BBX: variants seen among roughly 807,000 people sequenced by gnomAD.
The protein encoded by BBX is BBX high mobility group box domain containing.
Under a neutral mutation model 100.2 loss-of-function variants are expected in BBX, and 30 were observed. The ratio of observed to expected loss-of-function variants is 0.30; its 90% CI spans 0.22 to 0.41. The LOEUF is 0.41. Among genes scored for constraint, BBX ranks in the 10% least tolerant of loss-of-function variants. The pLI is 1.00. For synonymous variants in BBX, 376 were observed against 388.1 expected, an observed-to-expected ratio of 0.97 and a Z score of 0.37; for missense variants, 1,023 against 1,129.8, an observed-to-expected ratio of 0.91 and a Z score of 1.35.
chr3:107,752,698 T>C (rs919367708), intron 9 of BBX, among the ~76,000 whole-genome samples: 1 of 152,182 alleles, frequency 6.6e-6, no homozygotes, highest in Non-Finnish European at 1.5e-5. Flanking sequence ...ATACTGTTTA[T>C]CCAAACATTA....
chr3:107,761,165 A>T (rs1419830175), intron 10 of BBX, among the ~76,000 whole-genome samples: 1 of 152,096 alleles, frequency 6.6e-6, no homozygotes, highest in African/African-American at 2.4e-5. Flanking sequence ...CAGCTGGGGG[A>T]GATAAAGCAA....
chr3:107,581,833 G>T (rs1015143353), intron 2 of BBX, among the ~76,000 whole-genome samples: 3 of 152,020 alleles, frequency 2.0e-5, no homozygotes, highest in Admixed American at 6.6e-5. Context: ...ATAGTTGGCT[G>T]ATATTTTTAG....
At chr3:107,747,742 G>A (rs2064744637) in intron 8 of BBX, among the ~76,000 whole-genome samples, 1 of 151,764 alleles carries the variant, frequency 6.6e-6, no homozygotes, top group Non-Finnish European at 1.5e-5. Flanking sequence ...CCAAAGACAT[G>A]GCAAATGAGC....
intron 2 of BBX, among the ~76,000 whole-genome samples, chr3:107,590,892 T>C (rs554969471): frequency 6.7e-6 from 1 of 149,798 alleles, no homozygotes; most frequent in East Asian, 1.9e-4. Flanking sequence ...GAGTATGGAG[T>C]TGGGGTTCCA....
At chr3:107,734,311 T>TA (rs2063506173) in intron 7 of BBX, among the ~76,000 whole-genome samples, 1 of 152,206 alleles carries the variant, frequency 6.6e-6, no homozygotes, top group African/African-American at 2.4e-5. Flanking sequence ...TATAAATGTG[T>TA]AAAAAATGCA....
chr3:107,746,343 C>T (rs1387493934), intron 8 of BBX, among the ~76,000 whole-genome samples: 1 of 152,120 alleles, frequency 6.6e-6, no homozygotes, highest in Non-Finnish European at 1.5e-5. Context: ...GTCATACTTG[C>T]ACATGGTGGT....
At chr3:107,693,605 T>A (rs1012864513) in intron 3 of BBX, among the ~76,000 whole-genome samples, 1 of 151,806 alleles carries the variant, frequency 6.6e-6, no homozygotes, top group Non-Finnish European at 1.5e-5. Flanking sequence ...ACTGTAGCCT[T>A]GTAGTATAGT....
At chr3:107,636,518 A>G (rs1321152631) in intron 2 of BBX, among the ~76,000 whole-genome samples, 2 of 152,234 alleles carry the variant, frequency 1.3e-5, no homozygotes. Context: ...AGAAGTTAAC[A>G]TTTCAAAATA....
Position 107,544,769 on chromosome 3 carries a change from G to T in BBX, c.-84+18371G>T, listed in dbSNP as rs552808175. On this transcript the variant is annotated intron_variant, in intron 2 of 17. Transcript: ENST00000325805. ...GTCTGTAGTCCCAGCACTTTGGGCG[G>T]CCAAGGCGGGCGGATCACGAGGTCA... Among the ~76,000 whole-genome samples the T allele has an allele frequency of 5.3e-5, 8 of 151,206 alleles. No homozygotes were observed. In the South Asian group the frequency reaches 1.7e-3, roughly 32 times the overall value.
intron 3 of BBX, among the ~76,000 whole-genome samples, chr3:107,709,401 C>T (rs1215423071): frequency 4.6e-5 from 7 of 152,118 alleles, no homozygotes; most frequent in Admixed American, 2.6e-4. Flanking sequence ...GTTTTAACAT[C>T]GTGTTAAAAG....
intron 8 of BBX, among the ~76,000 whole-genome samples, chr3:107,745,042 A>G (rs1255423590): frequency 6.6e-6 from 1 of 152,252 alleles, no homozygotes; most frequent in Non-Finnish European, 1.5e-5. Flanking sequence ...TTGATAAAAC[A>G]GAAGACAAAA....
rs541483150 is a variant in BBX, at chr3:107,569,398, A to T, written c.-84+43000A>T. On this transcript the variant is annotated intron_variant, in intron 2 of 17. Coordinates refer to ENST00000325805, the MANE Select transcript of BBX (RefSeq NM_001142568.3). ...TCCTTTTTTATTTTTTATTTTTTTA[A>T]TTTTTTTTTATTTTTATGACAACAA... 3.3e-3 allele frequency among the ~76,000 whole-genome samples: 497 copies of T among 150,162 alleles called. 1 individual carries two copies. The highest frequency in any genetic ancestry group is 0.012 in the African/African-American group (480 of 40,844).
At chr3:107,650,998 C>G (rs753934460) in intron 3 of BBX, among the ~76,000 whole-genome samples, 2 of 152,122 alleles carry the variant, frequency 1.3e-5, no homozygotes, top group Non-Finnish European at 2.9e-5. Flanking sequence ...AGGCAGCGAG[C>G]TCTAGTGTCT....
intron 2 of BBX, among the ~76,000 whole-genome samples, chr3:107,615,629 A>T (rs1362721966): frequency 6.6e-6 from 1 of 152,158 alleles, no homozygotes; most frequent in Admixed American, 6.5e-5. Flanking sequence ...GGCAATTTTG[A>T]AGGAACACAT....
chr3:107,769,257 TGATA>T lies in BBX; in HGVS notation c.907-3364_907-3361del, dbSNP rs553594658. ...AGATAGATAGGATAGATAGATAATC[TGATA>T]GATAGAAAAAATTTTGAAGTATCCA... On this transcript the variant is annotated intron_variant, in intron 10 of 17. Transcript: ENST00000325805. 9.5e-4 allele frequency among the ~76,000 whole-genome samples: 145 copies of T among 151,910 alleles called. 1 individual carries two copies. The highest frequency in any genetic ancestry group is 1.4e-3 in the Non-Finnish European group (98 of 67,932).
intron 3 of BBX, chr3:107,657,245 G>T (rs978444605): frequency 1.3e-5 from 2 of 152,132 alleles, no homozygotes; most frequent in Non-Finnish European, 2.9e-5. Flanking sequence ...CATTATGAAG[G>T]TTATACTCTG....
intron 3 of BBX, among the ~76,000 whole-genome samples, chr3:107,708,503 G>A (rs368046480): frequency 6.6e-5 from 10 of 151,994 alleles, no homozygotes; most frequent in East Asian, 5.8e-4. Flanking sequence ...GTGAAACCCC[G>A]TCTCTACTAA....
chr3:107,663,508 A>T (rs942682228), intron 3 of BBX, among the ~76,000 whole-genome samples: 1 of 152,034 alleles, frequency 6.6e-6, no homozygotes, highest in Non-Finnish European at 1.5e-5. Flanking sequence ...TTACCCCCTC[A>T]TCACAATCCT....
At position 107,686,056 on chromosome 3, in the gene BBX, G is replaced by A. The variant is rs537743333; in HGVS notation, c.-9-24396G>A. Among the ~76,000 whole-genome samples the A allele has an allele frequency of 2.0e-5, 3 of 152,032 alleles. No individual in the cohort carries two copies. In the South Asian group the frequency reaches 6.2e-4, roughly 32 times the overall value. On this transcript the variant is annotated intron_variant, in intron 3 of 17. Transcript: ENST00000325805. ...TAAGAGTCCTTTTTATTATCTTATT[G>A]TAAATAAACCTGGCCATTTTTACTC...
Sources: gnomAD v4.1 joint callset for allele counts (sites outside exome capture counted in the v4.1 genomes callset) on GRCh38, gnomAD v4.1.1 for gene constraint, MANE v1.5 for transcripts, NCBI Gene and HGNC (gene_info 2026-07-23, HGNC 2026-07-21) for gene names.